CENPE: variants seen among roughly 807,000 people sequenced by gnomAD.
CENPE encodes the protein centromere protein E.
CENPE carries 145 observed loss-of-function variants against 336.1 expected under a neutral mutation model. The observed-to-expected ratio is 0.43, with a 90% CI of 0.38 to 0.50. CENPE has a LOEUF of 0.50. CENPE is among the 20% of genes least tolerant of loss of function. The pLI, the probability that CENPE is intolerant of heterozygous loss-of-function variation, is 0.00. For synonymous variants in CENPE, 1,013 were observed against 984.8 expected, an observed-to-expected ratio of 1.03 and a Z score of -0.54; for missense variants, 2,719 against 3,023.3, an observed-to-expected ratio of 0.90 and a Z score of 2.36.
intron 16 of CENPE, among the ~76,000 whole-genome samples, chr4:103,168,960 AAAGT>A (rs1227197621): frequency 6.6e-6 from 1 of 152,232 alleles, no homozygotes; most frequent in Non-Finnish European, 1.5e-5. Flanking sequence ...CCAAAAGCAC[AAAGT>A]AAGATACTGG....
intron 33 of CENPE, among the ~76,000 whole-genome samples, chr4:103,143,789 T>C (rs531069299): frequency 6.6e-6 from 1 of 152,364 alleles, no homozygotes; most frequent in South Asian, 2.1e-4. Flanking sequence ...AATATCTTTA[T>C]ACAGTTGTGC....
At chr4:103,197,118 T>C (rs1281210526) in intron 1 of CENPE, among the ~76,000 whole-genome samples, 4 of 152,226 alleles carry the variant, frequency 2.6e-5, no homozygotes, top group Non-Finnish European at 5.9e-5. Context: ...CAACTCTGAT[T>C]ATGTCTGTCT....
intron 28 of CENPE, among the ~76,000 whole-genome samples, chr4:103,148,524 A>G (rs1340385683): frequency 6.6e-6 from 1 of 152,222 alleles, no homozygotes; most frequent in Admixed American, 6.5e-5. Flanking sequence ...GGCTTTTAAT[A>G]CAGGTTGGCC....
In CENPE at chr4:103,114,443, T is replaced by C. The variant is rs780243125; in HGVS notation, c.7540+12A>G. ...AAAATTTCATCTGAAAATATCTGCA[T>C]TTTCTACTTACCTGAGGTATCTTGG... On this transcript the variant is annotated intron_variant, in intron 46 of 48. Transcript: ENST00000265148. 1.3e-6 allele frequency: 2 copies of C among 1,507,078 alleles called. No homozygotes were observed. The highest frequency in any genetic ancestry group is 3.3e-5 in the Admixed American group (2 of 59,824). 93.4% of individuals were successfully genotyped at this position (1,507,078 alleles called of 1,614,324 possible).
chr4:103,112,804 A>G (rs1026814105), intron 46 of CENPE, among the ~76,000 whole-genome samples: 1 of 47,816 alleles, frequency 2.1e-5, no homozygotes, highest in Non-Finnish European at 3.5e-5. Context: ...TTATAAGTAT[A>G]TAAGTGTATA....
intron 29 of CENPE, among the ~76,000 whole-genome samples, 185 bp from the exon 30 acceptor site, chr4:103,146,292 C>T (rs1345026130): frequency 1.3e-5 from 2 of 152,194 alleles, no homozygotes; most frequent in Non-Finnish European, 2.9e-5. Context: ...TGAGGTCTCA[C>T]TGTGTTGTCA....
chr4:103,140,108 T>A (rs577122261), intron 37 of CENPE, 29 bp from the exon 38 acceptor site: 1 of 1,568,248 alleles, frequency 6.4e-7, no homozygotes, highest in Admixed American at 1.9e-5. Context: ...CAAGTTAGAA[T>A]GTAAGCAGTT....
At chr4:103,137,417 T>C (rs1006483171) in intron 39 of CENPE, among the ~76,000 whole-genome samples, 4 of 152,222 alleles carry the variant, frequency 2.6e-5, no homozygotes, top group Non-Finnish European at 5.9e-5. Context: ...TAGTTCAGGC[T>C]GCTAAACAAT....
At chr4:103,158,020 A>T (rs1170058967) in intron 24 of CENPE, among the ~76,000 whole-genome samples, 1 of 151,906 alleles carries the variant, frequency 6.6e-6, no homozygotes, top group Non-Finnish European at 1.5e-5. Context: ...CTGAATTTTA[A>T]ACTCTAAGCA....
chr4:103,186,240 G>A (rs577963297), intron 8 of CENPE, among the ~76,000 whole-genome samples: 1 of 152,192 alleles, frequency 6.6e-6, no homozygotes, highest in African/African-American at 2.4e-5. Flanking sequence ...ACACCTCCAA[G>A]CACCAGCTTT....
chr4:103,167,455 T>G (rs1198870618), intron 16 of CENPE, among the ~76,000 whole-genome samples: 1 of 152,184 alleles, frequency 6.6e-6, no homozygotes, highest in Non-Finnish European at 1.5e-5. Context: ...TTCTTAAATT[T>G]TCTAAATTGT....
chr4:103,112,320 A>AGT (rs1298589197), intron 46 of CENPE, among the ~76,000 whole-genome samples: 6 of 138,572 alleles, frequency 4.3e-5, no homozygotes, highest in African/African-American at 1.5e-4. Flanking sequence ...TATACTTATA[A>AGT]GTGTATATAT....
rs753293223 is a variant in CENPE, at chr4:103,132,729, A to T, written c.6888T>A (p.Ile2296=). 6.4e-7 allele frequency: 1 copy of T among 1,561,580 alleles called. No individual in the cohort carries two copies. The highest frequency in any genetic ancestry group is 8.8e-7 in the Non-Finnish European group (1 of 1,139,650). The change falls in exon 42 of 49, where the codon ATT becomes ATA. Residue 2296 remains isoleucine, a synonymous_variant. Transcript: ENST00000265148. ...KNGIQKENDR[I]CQVNNFFNNR... ...TATTAAAGAAGTTATTCACTTGACA[A>T]ATCCTATCATTTTCTTTCTGGATGC...
Position 103,147,436 on chromosome 4 carries a change from C to G in CENPE, c.4054G>C (p.Asp1352His). The G allele has an allele frequency of 6.2e-7, 1 of 1,613,988 alleles. No homozygotes were observed. The highest frequency in any genetic ancestry group is 1.1e-5 in the South Asian group (1 of 91,076). ...GCTTCTTTTATCGTTTTAAGGTTGT[C>G]TCTTTCCTTGGTTAGAGATTTTATC... Reference protein sequence around the residue: ...EEIKSLTKERDNLKTIKEALE... With the variant: ...EEIKSLTKERHNLKTIKEALE... The change falls in exon 29 of 49, where the codon GAC becomes CAC. Residue 1352 changes from aspartate (D) to histidine (H), a missense_variant. Physicochemically the swap from Asp to His is moderately conservative, Grantham distance 81. This residue lies in a region of CENPE where 2,437 missense variants were observed against 2,513.3 expected (regional missense o/e 0.97). Transcript: ENST00000265148.
At chr4:103,140,473 A>ATC in intron 36 of CENPE, 59 bp from the exon 37 acceptor site, 1 of 1,176,578 alleles carries the variant, frequency 8.5e-7, no homozygotes. Flanking sequence ...ACCTTTACTT[A>ATC]ATGATTGAGT....
chr4:103,158,246 G>GT lies in CENPE; in HGVS notation c.3033+53dup, dbSNP rs1417658463. Reference sequence around the variant, plus strand: ...AATATTATGCATTTAAGTATTTGAGGTTAAAGAGTATATATACAAGCATAT... The same window carrying GT: ...AATATTATGCATTTAAGTATTTGAGGTTTAAAGAGTATATATACAAGCATAT... On this transcript the variant is annotated intron_variant, in intron 24 of 48. Transcript: ENST00000265148. 11 of 1,313,326 alleles carry GT rather than the reference G, an allele frequency of 8.4e-6. No individual in the cohort carries two copies. In the African/African-American group the frequency reaches 1.1e-4, roughly 13 times the overall value. 81.4% of individuals were successfully genotyped at this position (1,313,326 alleles called of 1,614,324 possible).
In CENPE at chr4:103,145,885, C is replaced by G. The variant is rs1326398710; in HGVS notation, c.4357G>C (p.Val1453Leu). ...AGCTGGTCACTTTCAGATTGAAGAACTTCTTGCAGCCTCTGTAGGTCATCT... is the reference window on the plus strand; with the variant it reads ...AGCTGGTCACTTTCAGATTGAAGAAGTTCTTGCAGCCTCTGTAGGTCATCT... ...EKDDLQRLQEVLQSESDQLKE... is the reference protein window; with the variant it reads ...EKDDLQRLQELLQSESDQLKE... Residue 1453 changes from valine (V) to leucine (L), a missense_variant, in exon 30 of 49, where the codon GTT becomes CTT. This residue lies in a region of CENPE where 2,437 missense variants were observed against 2,513.3 expected (regional missense o/e 0.97). Transcript: ENST00000265148. 6.2e-7 allele frequency: 1 copy of G among 1,613,324 alleles called. No homozygotes were observed. Among genetic ancestry groups the G allele is most frequent in the Admixed American group, 1.7e-5 (1 of 59,948 alleles).
rs372314777 is a variant in CENPE at position 103,116,596 on chromosome 4, C to T, written c.7423G>A (p.Ala2475Thr). The change falls in exon 45 of 49, where the codon GCC (alanine) becomes ACC (threonine). Residue 2475 changes from alanine (A) to threonine (T), a missense_variant. Transcript: ENST00000265148. Reference protein sequence around the residue: ...VKIDLEKMKNAKEFEKEISAT... With the variant: ...VKIDLEKMKNTKEFEKEISAT... ...ACGTACTCCTTTTCAAATTCTTTGG[C>T]ATTTTTCATTTTCTCTAGGTCTATT... is the stretch of plus-strand genomic sequence containing the variant. 3.9e-6 allele frequency: 6 copies of T among 1,551,054 alleles called. No homozygotes were observed. The highest frequency in any genetic ancestry group is 3.5e-6 in the Non-Finnish European group (4 of 1,144,772).
intron 40 of CENPE, among the ~76,000 whole-genome samples, chr4:103,134,247 C>G (rs945994268): frequency 6.6e-6 from 1 of 152,164 alleles, no homozygotes; most frequent in African/African-American, 2.4e-5. Flanking sequence ...ACCAATCACC[C>G]AGGTTTCCCA....
Sources: allele counts gnomAD v4.1 joint callset (sites outside exome capture counted in the v4.1 genomes callset), GRCh38; gene constraint gnomAD v4.1.1; regional missense constraint gnomAD v4.1.1; transcripts MANE v1.5; gene names NCBI Gene and HGNC (gene_info 2026-07-23, HGNC 2026-07-21).